FNDC3B: variants seen among roughly 807,000 people sequenced by gnomAD.
The protein encoded by FNDC3B is fibronectin type III domain containing 3B, also known as fibronectin type III domain-containing protein 3B.
A neutral mutation model predicts 151.5 loss-of-function variants in FNDC3B; 12 were observed. The observed-to-expected ratio is 0.08, with a 90% confidence interval of 0.05 to 0.13. The LOEUF is 0.13. FNDC3B is among the 10% of genes least tolerant of loss of function. FNDC3B has a pLI of 1.00. For missense variants in FNDC3B, 1,214 were observed against 1,505.3 expected, an observed-to-expected ratio of 0.81 and a Z score of 3.20; for synonymous variants, 528 against 549.0, an observed-to-expected ratio of 0.96 and a Z score of 0.54.
chr3:172,046,865 G>GGAAT (rs1158869757), intron 1 of FNDC3B: 1 of 152,120 alleles, frequency 6.6e-6, no homozygotes, highest in Non-Finnish European at 1.5e-5. Context: ...CTTTGTTAAT[G>GGAAT]GAATGTTCTA....
At chr3:172,390,873 C>T (rs374733532) in intron 25 of FNDC3B, among the ~76,000 whole-genome samples, 19 of 152,200 alleles carry the variant, frequency 1.2e-4, no homozygotes, top group African/African-American at 4.6e-4. Flanking sequence ...ATAGTGTTTT[C>T]CTTTATGGAG....
intron 2 of FNDC3B, among the ~76,000 whole-genome samples, chr3:172,132,567 G>T (rs978546769): frequency 3.3e-5 from 5 of 152,032 alleles, no homozygotes; most frequent in Non-Finnish European, 7.4e-5. Flanking sequence ...CACCACGCCT[G>T]GTTAATTTTT....
Position 172,337,877 on chromosome 3 carries a change from C to T in FNDC3B, c.1852+476C>T, listed in dbSNP as rs147997138. ...ATCTAGGCTGGTCTCAAACTCCTGGCCTCAAGCAACCCTCCACCTTGGCCT... is the reference window on the plus strand; with the variant it reads ...ATCTAGGCTGGTCTCAAACTCCTGGTCTCAAGCAACCCTCCACCTTGGCCT... On this transcript the variant is annotated intron_variant, in intron 16 of 25. Coordinates refer to ENST00000415807, the MANE Select transcript of FNDC3B (RefSeq NM_022763.4). 35 of 159,102 alleles carry T rather than the reference C, an allele frequency of 2.2e-4. No homozygotes were observed. In the East Asian group the frequency reaches 6.5e-3, roughly 30 times the overall value. 9.9% of individuals were successfully genotyped at this position (159,102 alleles called of 1,614,324 possible).
intron 11 of FNDC3B, among the ~76,000 whole-genome samples, chr3:172,317,759 A>T (rs1401461424): frequency 6.6e-6 from 1 of 152,264 alleles, no homozygotes; most frequent in Non-Finnish European, 1.5e-5. Flanking sequence ...TAGAACAATC[A>T]TGTATAAGGA....
rs1576895104 is a variant in FNDC3B at position 172,133,457 on chromosome 3, T to C, written c.112-14T>C. On this transcript the variant is annotated splice_polypyrimidine_tract_variant and intron_variant, in intron 2 of 25. Coordinates refer to ENST00000415807, the MANE Select transcript of FNDC3B (RefSeq NM_022763.4). Reference sequence around the variant, plus strand: ...TTCCAGTATTAAACTGAAATTAATGTGTTGTTTTGGCAGGTTATTCTCGTT... The same window carrying C: ...TTCCAGTATTAAACTGAAATTAATGCGTTGTTTTGGCAGGTTATTCTCGTT... 1 of 1,602,224 alleles carries C rather than the reference T, an allele frequency of 6.2e-7. No homozygotes were observed. Among genetic ancestry groups the C allele is most frequent in the Non-Finnish European group, 8.5e-7 (1 of 1,170,362 alleles).
chr3:172,103,117 A>G (rs940136216), intron 1 of FNDC3B, among the ~76,000 whole-genome samples: 7 of 152,206 alleles, frequency 4.6e-5, no homozygotes, highest in Non-Finnish European at 7.3e-5. Context: ...AAGCTTATGT[A>G]AATACCACTT....
At chr3:172,205,176 C>G (rs1725360451) in intron 3 of FNDC3B, among the ~76,000 whole-genome samples, 1 of 151,946 alleles carries the variant, frequency 6.6e-6, no homozygotes, top group Non-Finnish European at 1.5e-5. Flanking sequence ...TTACCATCCC[C>G]CGCCCAGGCT....
chr3:172,189,453 A>T (rs982656411), intron 3 of FNDC3B, among the ~76,000 whole-genome samples: 1 of 152,164 alleles, frequency 6.6e-6, no homozygotes, highest in African/African-American at 2.4e-5. Context: ...AGTCTGTTCT[A>T]TTTTTGGAGT....
chr3:172,178,273 G>A (rs1336846990), intron 3 of FNDC3B, among the ~76,000 whole-genome samples: 1 of 152,050 alleles, frequency 6.6e-6, no homozygotes. Context: ...CACTCCAGCT[G>A]TGGGCTAAAG....
chr3:172,330,479 T>C lies in FNDC3B; in HGVS notation c.1380-62T>C, dbSNP rs998010031. On this transcript the variant is annotated intron_variant, in intron 12 of 25. Coordinates refer to ENST00000415807, the MANE Select transcript of FNDC3B (RefSeq NM_022763.4). ...GTAGTGTGCAGGCTGAGCCTTCCTCTTTTAAAATGCCAAGCCTCTTCACAT... is the reference window on the plus strand; with the variant it reads ...GTAGTGTGCAGGCTGAGCCTTCCTCCTTTAAAATGCCAAGCCTCTTCACAT... 4.1e-6 allele frequency: 6 copies of C among 1,471,806 alleles called. No individual in the cohort carries two copies. The Admixed American group carries it at 5.7e-5, about 14-fold the overall frequency. The allele number at this position is 1,471,806 out of a possible 1,614,324, so 91.2% of individuals were successfully genotyped here. A position where few individuals can be genotyped will look rare whatever the true frequency, so the allele number is the denominator to read the frequency against.
rs397991660 is a variant in FNDC3B, at chr3:172,050,733, G to GTGTGTATA, written c.-29+10963_-29+10964insGTGTATAT. 8.0e-3 allele frequency among the ~76,000 whole-genome samples: 1,102 copies of GTGTGTATA among 137,880 alleles called. 11 individuals are homozygous for GTGTGTATA. Among genetic ancestry groups the GTGTGTATA allele is most frequent in the East Asian group, 9.8e-3 (46 of 4,692 alleles). 90.5% of individuals were successfully genotyped at this position (137,880 alleles called of 152,430 possible). On this transcript the variant is annotated intron_variant, in intron 1 of 25. Coordinates refer to ENST00000415807, the MANE Select transcript of FNDC3B (RefSeq NM_022763.4). ...TGTGTGTGTGTGTGTGTGTGTGTGTGTATAGTGTGTATATATACTATATAT... is the reference window on the plus strand; with the variant it reads ...TGTGTGTGTGTGTGTGTGTGTGTGTGTGTGTATATATAGTGTGTATATATACTATATAT...
At chr3:172,310,762 G>C in intron 10 of FNDC3B, 66 bp from the exon 11 acceptor site, 2 of 1,143,868 alleles carry the variant, frequency 1.7e-6, no homozygotes, top group Non-Finnish European at 2.7e-6. Flanking sequence ...ATGTGAGCCA[G>C]GTGGGTAACT....
chr3:172,112,619 C>A, intron 2 of FNDC3B, 29 bp downstream of exon 2: 2 of 1,429,830 alleles, frequency 1.4e-6, no homozygotes, highest in Non-Finnish European at 9.9e-7. Context: ...AAATTTAAGT[C>A]AAATTGTCTA....
chr3:172,124,805 C>T (rs1043849551), intron 2 of FNDC3B, among the ~76,000 whole-genome samples: 3 of 152,098 alleles, frequency 2.0e-5, no homozygotes, highest in East Asian at 1.9e-4. Flanking sequence ...TTCTTCCTGC[C>T]GAGGTGGAGG....
intron 3 of FNDC3B, among the ~76,000 whole-genome samples, chr3:172,212,445 A>G (rs1249505012): frequency 6.6e-6 from 1 of 152,214 alleles, no homozygotes; most frequent in Non-Finnish European, 1.5e-5. Context: ...CATCAAAACC[A>G]GTGATCAGGG....
Position 172,352,693 on chromosome 3 carries a change from A to G in FNDC3B, c.2515-110A>G, listed in dbSNP as rs1170379848. ...TTTTCTAGGATTTATTTCTACCTGC[A>G]TATGTGGAAATGTGTACTACTTTAG... On this transcript the variant is annotated intron_variant, in intron 21 of 25. Coordinates refer to ENST00000415807, the MANE Select transcript of FNDC3B (RefSeq NM_022763.4). This position sits in a 1 kb window ranked among gnomAD's most constrained non-coding sequence, Gnocchi z 4.2. 2 of 1,048,080 alleles carry G rather than the reference A, an allele frequency of 1.9e-6. No individual in the cohort carries two copies. The highest frequency in any genetic ancestry group is 2.5e-5 in the Admixed American group (1 of 40,576). 64.9% of individuals were successfully genotyped at this position (1,048,080 alleles called of 1,614,324 possible).
rs564819830 is a variant in FNDC3B, at chr3:172,378,417, T to C, written c.3156T>C (p.Ser1052=). The change falls in exon 24 of 26, where the codon AGT becomes AGC. Residue 1052 remains serine (S), a synonymous_variant. Coordinates refer to ENST00000415807, the MANE Select transcript of FNDC3B (RefSeq NM_022763.4). The stretch of plus-strand genomic sequence containing the variant: ...CCTATACCTTCAGCACAACCAAAAG[T>C]GTCCCCCCCACCATCAAAGGTGTGT... ...SETYTFSTTK[S]VPPTIKAPRV... 4 of 1,612,192 alleles carry C rather than the reference T, an allele frequency of 2.5e-6. No individual in the cohort carries two copies. Among genetic ancestry groups the C allele is most frequent in the African/African-American group, 2.7e-5 (2 of 74,856 alleles).
chr3:172,178,697 T>C (rs1214849698), intron 3 of FNDC3B, among the ~76,000 whole-genome samples: 3 of 152,132 alleles, frequency 2.0e-5, no homozygotes, highest in African/African-American at 4.8e-5. Flanking sequence ...TTATTATGTC[T>C]TGAGACCAAA....
intron 24 of FNDC3B, among the ~76,000 whole-genome samples, chr3:172,379,242 G>A (rs1461050502): frequency 6.6e-6 from 1 of 152,238 alleles, no homozygotes; most frequent in Admixed American, 6.5e-5. Context: ...TGTGGTTCTT[G>A]TGGAGGTCCC....
Sources: allele counts gnomAD v4.1 joint callset (sites outside exome capture counted in the v4.1 genomes callset), GRCh38; gene constraint gnomAD v4.1.1; non-coding constraint Gnocchi (gnomAD v3.1); transcripts MANE v1.5; gene names NCBI Gene and HGNC (gene_info 2026-07-23, HGNC 2026-07-21).